Variants in PHF23 observed in about 807,000 individuals in gnomAD.
The protein encoded by PHF23 is PHD finger protein 23.
Under a neutral mutation model 36.0 loss-of-function variants are expected in PHF23, and 3 were observed. That is an observed-to-expected ratio of 0.08 (90% CI 0.04 to 0.22). The LOEUF (loss-of-function observed/expected upper bound fraction) is 0.22, where lower values mean the gene tolerates loss of function less well. Among genes scored for constraint, PHF23 ranks in the 10% least tolerant of loss-of-function variants. The pLI, the probability that PHF23 is intolerant of heterozygous loss-of-function variation, is 1.00. For missense variants in PHF23, 475 were observed against 513.6 expected, an observed-to-expected ratio of 0.92 and a Z score of 0.73; for synonymous variants, 242 against 192.5, an observed-to-expected ratio of 1.26 and a Z score of -2.13.
At chr17:7,239,499 TC>T, upstream of PHF23, 1 of 403,450 alleles carries the variant, frequency 2.5e-6, no homozygotes, top group Admixed American at 4.2e-5. Context: ...GGCCGCCTGC[TC>T]CCTCCTCCTC....
At chr17:7,240,759 G>T (rs554573710), upstream of PHF23, 3 of 798,954 alleles carry the variant, frequency 3.8e-6, no homozygotes, top group Admixed American at 5.6e-5. Context: ...AATAAGGGAG[G>T]TGGTGTTTGA....
rs1401378410 is a variant in PHF23, at chr17:7,236,782, G to T, written c.160-15C>A. On this transcript the variant is annotated splice_polypyrimidine_tract_variant and intron_variant, in intron 3 of 4. Coordinates refer to ENST00000320316, the MANE Select transcript of PHF23 (RefSeq NM_024297.3). The surrounding 1 kb of genome is among the most constrained non-coding windows in gnomAD (Gnocchi z 5.1). ...CAGTCACTTTCCTTAAAAGGGGGAA[G>T]AGACCAGGGTCAGCAGAACCCCAGT... 6.3e-7 allele frequency: 1 copy of T among 1,599,442 alleles called. No homozygotes were observed. Among genetic ancestry groups the T allele is most frequent in the East Asian group, 2.2e-5 (1 of 44,802 alleles).
intron 1 of PHF23, chr17:7,238,947 C>T: frequency 1.3e-6 from 2 of 1,501,476 alleles, no homozygotes; most frequent in Non-Finnish European, 1.8e-6. Context: ...CCCTAACCTT[C>T]CAGTTCCAGG....
In PHF23 at chr17:7,235,545, C is replaced by G; in HGVS notation, c.*81G>C. The G allele has an allele frequency of 1.4e-6, 2 of 1,430,708 alleles. No homozygotes were observed. The highest frequency in any genetic ancestry group is 1.9e-6 in the Non-Finnish European group (2 of 1,031,874). 88.6% of individuals were successfully genotyped at this position (1,430,708 alleles called of 1,614,324 possible). On this transcript the variant is annotated 3_prime_UTR_variant, in exon 5 of 5. Transcript: ENST00000320316. The stretch of plus-strand genomic sequence containing the variant: ...TTGAAGTGCAGACAGTATCCAAGCT[C>G]CAGGGGATAGGCTGAGGACCCTGAG...
chr17:7,238,490 G>A (rs1368220833), intron 1 of PHF23: 9 of 835,170 alleles, frequency 1.1e-5, no homozygotes, highest in Non-Finnish European at 1.3e-5. Flanking sequence ...CTCAACTCTG[G>A]CCCCTTCCCC....
At chr17:7,239,956 T>C (rs1371444670), upstream of PHF23, 1 of 152,282 alleles carries the variant, frequency 6.6e-6, no homozygotes, top group Non-Finnish European at 1.5e-5. Flanking sequence ...TCTCCCTCCC[T>C]GATTCCACTC....
chr17:7,238,728 G>A, intron 1 of PHF23: 6 of 1,495,542 alleles, frequency 4.0e-6, no homozygotes, highest in African/African-American at 1.5e-5. Context: ...CCCGGTACAG[G>A]TCCGTCTGCC....
At chr17:7,239,036 C>T in intron 1 of PHF23, 1 of 1,389,216 alleles carries the variant, frequency 7.2e-7, no homozygotes, top group South Asian at 1.5e-5. Flanking sequence ...CGCACCCCCA[C>T]ACCGTCTGAT....
Position 7,236,289 on chromosome 17 carries a change from G to C in PHF23, c.638C>G (p.Ser213Cys). ...CCGCTTCTTGCTCTTCTTGATTCGA[G>C]ATCTCTTTTCCCCATCCCCAGGAGT... ...RPTPGDGEKR[S>C]RIKKSKKRKL... The change falls in exon 4 of 5, where the codon TCT becomes TGT. Residue 213 changes from serine to cysteine, a missense_variant. Transcript: ENST00000320316. The surrounding 1 kb of genome is among the most constrained non-coding windows in gnomAD (Gnocchi z 5.1). 1.2e-6 allele frequency: 2 copies of C among 1,613,780 alleles called. No individual in the cohort carries two copies. The highest frequency in any genetic ancestry group is 1.7e-6 in the Non-Finnish European group (2 of 1,179,868).
rs764526945 is a variant in PHF23 at position 7,236,217 on chromosome 17, G to A, written c.710C>T (p.Pro237Leu). 2 of 1,613,034 alleles carry A rather than the reference G, an allele frequency of 1.2e-6. No homozygotes were observed. Among genetic ancestry groups the A allele is most frequent in the East Asian group, 4.5e-5 (2 of 44,866 alleles). Reference protein sequence around the residue: ...ERGDRLPPPGPPQAPPSDTDS... With the variant: ...ERGDRLPPPGLPQAPPSDTDS... ...TGTATCACTGGGGGGTGCCTGGGGA[G>A]GCCCAGGAGGTGGGAGTCTATCCCC... is the stretch of plus-strand genomic sequence containing the variant. The change falls in exon 4 of 5, where the codon CCT becomes CTT. Residue 237 changes from proline (P) to leucine (L), a missense_variant. Physicochemically the swap from Pro to Leu is moderately conservative, Grantham distance 98. Coordinates refer to ENST00000320316, the MANE Select transcript of PHF23 (RefSeq NM_024297.3). This position sits in a 1 kb window ranked among gnomAD's most constrained non-coding sequence, Gnocchi z 5.1.
intron 1 of PHF23, 199 bp downstream of exon 1, chr17:7,239,047 C>A: frequency 7.6e-7 from 1 of 1,320,320 alleles, no homozygotes; most frequent in Non-Finnish European, 1.0e-6. Context: ...ACCGTCTGAT[C>A]TCCAACTACC....
chr17:7,236,276 C>T lies in PHF23; in HGVS notation c.651G>A (p.Lys217=), dbSNP rs771111289. Residue 217 remains lysine (K), a synonymous_variant, in exon 4 of 5, where the codon AAG becomes AAA. Coordinates refer to ENST00000320316, the MANE Select transcript of PHF23 (RefSeq NM_024297.3). This position sits in a 1 kb window ranked among gnomAD's most constrained non-coding sequence, Gnocchi z 5.1. ...GDGEKRSRIK[K]SKKRKLKKAE... is the part of the protein sequence containing the mutation. The stretch of plus-strand genomic sequence containing the variant: ...CCTTTTTTAACTTCCGCTTCTTGCT[C>T]TTCTTGATTCGAGATCTCTTTTCCC... The T allele has an allele frequency of 3.1e-6, 5 of 1,613,576 alleles. No individual in the cohort carries two copies. The highest frequency in any genetic ancestry group is 1.7e-5 in the Admixed American group (1 of 59,936).
chr17:7,239,090 G>A (rs909227108), intron 1 of PHF23, among the ~76,000 whole-genome samples, 156 bp downstream of exon 1: 2 of 151,848 alleles, frequency 1.3e-5, no homozygotes, highest in Non-Finnish European at 2.9e-5. Context: ...TTTCTCCAAG[G>A]TCTCTCAACT....
chr17:7,239,086 C>G (rs950801525), intron 1 of PHF23, among the ~76,000 whole-genome samples, 160 bp downstream of exon 1: 2 of 152,212 alleles, frequency 1.3e-5, no homozygotes, highest in Middle Eastern at 6.8e-3. Context: ...CCTCTTTCTC[C>G]AAGGTCTCTC....
chr17:7,237,365 A>C lies in PHF23; in HGVS notation c.159+20T>G, dbSNP rs1309135937. Reference sequence around the variant, plus strand: ...AGTCCCACCACACCAGCCTCAAGTCAGTAATTCTCTTGCCCCTACCTCTTT... The same window carrying C: ...AGTCCCACCACACCAGCCTCAAGTCCGTAATTCTCTTGCCCCTACCTCTTT... On this transcript the variant is annotated intron_variant, in intron 3 of 4. Coordinates refer to ENST00000320316, the MANE Select transcript of PHF23 (RefSeq NM_024297.3). The C allele has an allele frequency of 1.3e-6, 2 of 1,589,972 alleles. No individual in the cohort carries two copies. The highest frequency in any genetic ancestry group is 1.7e-5 in the Admixed American group (1 of 59,836).
Position 7,236,256 on chromosome 17 carries a change from T to C in PHF23, c.671A>G (p.Lys224Arg), listed in dbSNP as rs1370850169. The C allele has an allele frequency of 6.2e-6, 10 of 1,613,660 alleles. No individual in the cohort carries two copies. Among genetic ancestry groups the C allele is most frequent in the Non-Finnish European group, 7.6e-6 (9 of 1,179,724 alleles). The stretch of plus-strand genomic sequence containing the variant: ...GAGTCTATCCCCCCGTTCTGCCTTT[T>C]TTAACTTCCGCTTCTTGCTCTTCTT... ...RIKKSKKRKLKKAERGDRLPP... is the reference protein window; with the variant it reads ...RIKKSKKRKLRKAERGDRLPP... The change falls in exon 4 of 5, where the codon AAA (lysine) becomes AGA (arginine). Residue 224 changes from lysine to arginine, a missense_variant. Physicochemically the swap from Lys to Arg is conservative, Grantham distance 26. This residue lies in a region of PHF23 where 350 missense variants were observed against 319.8 expected (regional missense o/e 1.09). Coordinates refer to ENST00000320316, the MANE Select transcript of PHF23 (RefSeq NM_024297.3). The surrounding 1 kb of genome is among the most constrained non-coding windows in gnomAD (Gnocchi z 5.1).
At position 7,237,415 on chromosome 17, in the gene PHF23, T is replaced by C; in HGVS notation, c.129A>G (p.Ala43=). 1 of 1,614,084 alleles carries C rather than the reference T, an allele frequency of 6.2e-7. No homozygotes were observed. Among genetic ancestry groups the C allele is most frequent in the Non-Finnish European group, 8.5e-7 (1 of 1,179,964 alleles). The part of the protein sequence containing the change: ...DFNKFCSFVL[A]YAGYIPPSKE... ...TGCTAGGGGGAATGTAACCAGCATA[T>C]GCCAAAACAAAACTGCAGAATTTGT... Residue 43 remains alanine, a synonymous_variant, in exon 3 of 5, where the codon GCA becomes GCG. Transcript: ENST00000320316.
rs763953606 is a variant in PHF23 at position 7,236,713 on chromosome 17, C to T, written c.214G>A (p.Ala72Thr). 60 of 1,613,774 alleles carry T rather than the reference C, an allele frequency of 3.7e-5. No homozygotes were observed. The highest frequency in any genetic ancestry group is 5.0e-5 in the Non-Finnish European group (59 of 1,179,998). Residue 72 changes from alanine to threonine, a missense_variant, in exon 4 of 5, where the codon GCC (alanine) becomes ACC (threonine). Physicochemically the swap from Ala to Thr is moderately conservative, Grantham distance 58 (BLOSUM62 0). Transcript: ENST00000320316. This position sits in a 1 kb window ranked among gnomAD's most constrained non-coding sequence, Gnocchi z 5.1. Reference sequence around the variant, plus strand: ...GCCGAGTCCCAGCCATCACTGTCGGCCGCACTCTCTCCTCGCAATGGAGAG... The same window carrying T: ...GCCGAGTCCCAGCCATCACTGTCGGTCGCACTCTCTCCTCGCAATGGAGAG... Reference protein sequence around the residue: ...SSSPLRGESAADSDGWDSAPS... With the variant: ...SSSPLRGESATDSDGWDSAPS...
At chr17:7,239,210 C>T in intron 1 of PHF23, 36 bp downstream of exon 1, 2 of 1,448,304 alleles carry the variant, frequency 1.4e-6, no homozygotes, top group Non-Finnish European at 1.9e-6. Context: ...GCCCGCCCCC[C>T]GCCGGCTCAG....
Sources: allele counts gnomAD v4.1 joint callset (sites outside exome capture counted in the v4.1 genomes callset), GRCh38; gene constraint gnomAD v4.1.1; regional missense constraint gnomAD v4.1.1; non-coding constraint Gnocchi (gnomAD v3.1); transcripts MANE v1.5; gene names NCBI Gene and HGNC (gene_info 2026-07-23, HGNC 2026-07-21).